The following GABRG3 variants were observed in gnomAD, a reference collection of about 807,000 sequenced individuals.
The protein encoded by GABRG3 is gamma-aminobutyric acid receptor subunit gamma-3.
A neutral mutation model predicts 48.8 loss-of-function variants in GABRG3; 25 were observed. The observed-to-expected ratio is 0.51, with a 90% CI of 0.37 to 0.72. The LOEUF is 0.72. GABRG3 is among the 30% of genes least tolerant of loss of function. The pLI is 0.00. For missense variants in GABRG3, 394 were observed against 577.9 expected, an observed-to-expected ratio of 0.68 and a Z score of 3.26; for synonymous variants, 227 against 217.6, an observed-to-expected ratio of 1.04 and a Z score of -0.38.
intron 3 of GABRG3, among the ~76,000 whole-genome samples, chr15:27,247,911 G>A (rs1293946716): frequency 6.6e-6 from 1 of 152,146 alleles, no homozygotes; most frequent in African/African-American, 2.4e-5. Context: ...ACAACACATG[G>A]GAATTATGGG....
chr15:27,120,655 C>T (rs1377981080), intron 3 of GABRG3, among the ~76,000 whole-genome samples: 1 of 152,042 alleles, frequency 6.6e-6, no homozygotes, highest in Admixed American at 6.6e-5. Context: ...GGACTGGGCT[C>T]CTAGTAAGCA....
At chr15:27,474,588 A>G (rs1310127548) in intron 5 of GABRG3, among the ~76,000 whole-genome samples, 1 of 152,174 alleles carries the variant, frequency 6.6e-6, no homozygotes, top group Non-Finnish European at 1.5e-5. Context: ...TCTCTGATCA[A>G]ATGCATTCAC....
intron 2 of GABRG3, among the ~76,000 whole-genome samples, chr15:27,021,408 G>A (rs1396191434): frequency 6.6e-6 from 1 of 152,144 alleles, no homozygotes; most frequent in Non-Finnish European, 1.5e-5. Flanking sequence ...TCTTGTTGAG[G>A]GTGCTAAAAG....
At chr15:27,378,037 A>G (rs1012436417) in intron 5 of GABRG3, among the ~76,000 whole-genome samples, 1 of 152,260 alleles carries the variant, frequency 6.6e-6, no homozygotes, top group Admixed American at 6.5e-5. Flanking sequence ...TTTACAGAGG[A>G]TTAACTGGCC....
chr15:27,288,366 G>A (rs1272590743), intron 3 of GABRG3, among the ~76,000 whole-genome samples: 1 of 151,968 alleles, frequency 6.6e-6, no homozygotes, highest in Non-Finnish European at 1.5e-5. Flanking sequence ...TCACCATAAT[G>A]TAGAATCAGT....
chr15:27,201,090 C>T (rs1888665775), intron 3 of GABRG3, among the ~76,000 whole-genome samples: 1 of 152,022 alleles, frequency 6.6e-6, no homozygotes, highest in Admixed American at 6.6e-5. Context: ...GTGTTTAGCC[C>T]TTGTCTGCTT....
chr15:27,513,167 G>T (rs1175120036), intron 6 of GABRG3, among the ~76,000 whole-genome samples: 1 of 151,986 alleles, frequency 6.6e-6, no homozygotes, highest in Non-Finnish European at 1.5e-5. Context: ...GAAAGCCACG[G>T]ACAGGCGCAG....
intron 3 of GABRG3, chr15:27,271,392 G>A (rs1165547917): frequency 3.4e-5 from 12 of 353,904 alleles, no homozygotes; most frequent in Admixed American, 3.2e-4. Context: ...TGCTTTCCAC[G>A]GGTCTTACGC....
Position 27,005,329 on chromosome 15 carries a change from T to C in GABRG3, c.203-21425T>C, listed in dbSNP as rs981860014. Among the ~76,000 whole-genome samples, 3 of 152,204 alleles carry C rather than the reference T, an allele frequency of 2.0e-5. No individual in the cohort carries two copies. In the South Asian group the frequency reaches 6.2e-4, roughly 32 times the overall value. On this transcript the variant is annotated intron_variant, in intron 2 of 9. Transcript: ENST00000615808. The stretch of plus-strand genomic sequence containing the variant: ...AATTCTTCTGCCTCAGCCTCCCGAG[T>C]AGCTGGGACTACAGGAGCAGGCCAC...
At chr15:27,282,326 G>T (rs1891460741) in intron 3 of GABRG3, among the ~76,000 whole-genome samples, 1 of 152,092 alleles carries the variant, frequency 6.6e-6, no homozygotes, top group Non-Finnish European at 1.5e-5. Flanking sequence ...CTCCTTTCTT[G>T]ACTCTAATGA....
intron 3 of GABRG3, among the ~76,000 whole-genome samples, chr15:27,126,321 G>C (rs1897819650): frequency 6.6e-6 from 1 of 152,202 alleles, no homozygotes; most frequent in Non-Finnish European, 1.5e-5. Flanking sequence ...AAGCTACCCA[G>C]CATGTAGGCA....
chr15:27,067,043 C>G (rs1896749332), intron 3 of GABRG3, among the ~76,000 whole-genome samples: 1 of 152,318 alleles, frequency 6.6e-6, no homozygotes. Context: ...CAGGAGTGCA[C>G]TGTTCCTGGG....
At chr15:27,003,046 G>T (rs964180147) in intron 2 of GABRG3, among the ~76,000 whole-genome samples, 4 of 151,712 alleles carry the variant, frequency 2.6e-5, no homozygotes, top group African/African-American at 9.7e-5. Context: ...TATCACATGT[G>T]AATATTTAAA....
intron 3 of GABRG3, among the ~76,000 whole-genome samples, chr15:27,087,939 CTGTGGTG>C (rs1468948409): frequency 2.9e-5 from 4 of 137,926 alleles, no homozygotes; most frequent in East Asian, 4.3e-4. Flanking sequence ...GTGTGATGTG[CTGTGGTG>C]TGTGGTGTGT....
intron 3 of GABRG3, among the ~76,000 whole-genome samples, chr15:27,209,351 C>T (rs201399267): frequency 2.6e-4 from 25 of 97,038 alleles, no homozygotes; most frequent in East Asian, 1.7e-3. Flanking sequence ...TCTTTCTTTC[C>T]TTCCTTCCTT....
intron 3 of GABRG3, among the ~76,000 whole-genome samples, chr15:27,324,604 A>G (rs543924477): frequency 6.6e-6 from 1 of 152,226 alleles, no homozygotes; most frequent in South Asian, 2.1e-4. Flanking sequence ...CATGAAAGAC[A>G]GGCAGGCAAC....
intron 6 of GABRG3, among the ~76,000 whole-genome samples, chr15:27,487,359 T>C (rs960660920): frequency 6.6e-6 from 1 of 152,216 alleles, no homozygotes; most frequent in Non-Finnish European, 1.5e-5. Flanking sequence ...TAAGAGAATT[T>C]TATGGTTTTT....
At chr15:27,304,434 A>C (rs1406011112) in intron 3 of GABRG3, among the ~76,000 whole-genome samples, 13 of 151,974 alleles carry the variant, frequency 8.6e-5, no homozygotes, top group Admixed American at 8.6e-4. Flanking sequence ...ATTATCTTAT[A>C]GTTGTGAAGG....
chr15:27,093,020 G>T (rs1198480260), intron 3 of GABRG3, among the ~76,000 whole-genome samples: 5 of 152,016 alleles, frequency 3.3e-5, no homozygotes, highest in African/African-American at 1.2e-4. Context: ...CACATCCCCA[G>T]TCACTGAACC....
Sources: gnomAD v4.1 joint callset for allele counts (sites outside exome capture counted in the v4.1 genomes callset) on GRCh38, gnomAD v4.1.1 for gene constraint, MANE v1.5 for transcripts, NCBI Gene and HGNC (gene_info 2026-07-23, HGNC 2026-07-21) for gene names.